ESRRG: variants seen among roughly 807,000 people sequenced by gnomAD.
The protein encoded by ESRRG is estrogen-related receptor gamma.
In ESRRG, 13 loss-of-function variants were observed where a neutral mutation model predicts 44.0. The ratio of observed to expected loss-of-function variants is 0.30; its 90% CI spans 0.19 to 0.47. The LOEUF is 0.47. Among genes scored for constraint, ESRRG ranks in the 20% least tolerant of loss-of-function variants. The pLI, the probability that ESRRG is intolerant of heterozygous loss-of-function variation, is 1.00. For missense variants in ESRRG, 395 were observed against 580.6 expected (o/e 0.68, Z 3.29); for synonymous variants, 215 against 214.6 (o/e 1.00, Z -0.02).
upstream of ESRRG, among the ~76,000 whole-genome samples, chr1:217,094,329 A>AC (rs747551576): frequency 3.1e-4 from 47 of 152,320 alleles, no homozygotes; most frequent in Non-Finnish European, 5.7e-4. Context: ...AATGGATCCA[A>AC]CCTATTTTGC....
intron 2 of ESRRG, among the ~76,000 whole-genome samples, chr1:216,878,554 T>A (rs2096393223): frequency 6.6e-6 from 1 of 152,232 alleles, no homozygotes. Context: ...TTTATCTCTA[T>A]AATACATCTG....
At chr1:216,798,963 A>AG (rs2094544207) in intron 2 of ESRRG, among the ~76,000 whole-genome samples, 1 of 152,188 alleles carries the variant, frequency 6.6e-6, no homozygotes, top group African/African-American at 2.4e-5. Flanking sequence ...ATTTAGACCT[A>AG]AATCAGCTGG....
chr1:216,605,094 C>T (rs373963064), intron 3 of ESRRG, among the ~76,000 whole-genome samples: 6 of 152,048 alleles, frequency 3.9e-5, no homozygotes, highest in South Asian at 2.1e-4. Flanking sequence ...GGCCAGTAAA[C>T]GTAACCAAGA....
At chr1:216,924,173 T>A (rs561047297) in intron 2 of ESRRG, among the ~76,000 whole-genome samples, 48 of 152,150 alleles carry the variant, frequency 3.2e-4, no homozygotes, top group Non-Finnish European at 5.9e-4. Context: ...ACAGCTCTGA[T>A]TGGAAAGCTG....
chr1:216,947,742 T>C (rs1168345363), intron 1 of ESRRG, among the ~76,000 whole-genome samples: 3 of 152,190 alleles, frequency 2.0e-5, no homozygotes, highest in Non-Finnish European at 4.4e-5. Context: ...CCCATCTTTT[T>C]CTCCTCCTTT....
intron 2 of ESRRG, among the ~76,000 whole-genome samples, chr1:216,873,384 G>A (rs1262586057): frequency 6.6e-6 from 1 of 151,808 alleles, no homozygotes. Flanking sequence ...GCTAATTTTT[G>A]TATTTTTAGT....
At chr1:217,018,747 CA>C (rs894840090) in intron 1 of ESRRG, among the ~76,000 whole-genome samples, 1 of 151,678 alleles carries the variant, frequency 6.6e-6, no homozygotes, top group African/African-American at 2.4e-5. Flanking sequence ...TCCATCCTCT[CA>C]AAAAAAAATT....
chr1:216,915,705 G>A (rs1218815595), intron 2 of ESRRG, among the ~76,000 whole-genome samples: 1 of 152,208 alleles, frequency 6.6e-6, no homozygotes, highest in Non-Finnish European at 1.5e-5. Context: ...GTCTCCCGAG[G>A]AAGACTGGAA....
At chr1:216,556,300 A>G (rs1354685059) in intron 5 of ESRRG, among the ~76,000 whole-genome samples, 4 of 152,068 alleles carry the variant, frequency 2.6e-5, no homozygotes, top group African/African-American at 7.2e-5. Flanking sequence ...AAGTTTCAGG[A>G]AATTTCAGGC....
chr1:216,879,484 C>CAA (rs755104959), intron 2 of ESRRG, among the ~76,000 whole-genome samples: 20,664 of 89,010 alleles, frequency 0.23, 1,721 homozygotes, highest in Non-Finnish European at 0.26. Context: ...AAAAGGCCAC[C>CAA]AAAAAAAAAA....
chr1:216,904,701 G>T lies in ESRRG; in HGVS notation c.-14+34881C>A, dbSNP rs531237474. Among the ~76,000 whole-genome samples the T allele has an allele frequency of 1.7e-3, 262 of 152,270 alleles. 3 individuals carry two copies. Among genetic ancestry groups the T allele is most frequent in the African/African-American group, 6.0e-3 (251 of 41,554 alleles). Reference sequence around the variant, plus strand: ...TTCCACCAACAACTCCCCGGCTGTGGCGTGATCATTAGGTGGGTTCAGATT... The same window carrying T: ...TTCCACCAACAACTCCCCGGCTGTGTCGTGATCATTAGGTGGGTTCAGATT... On this transcript the variant is annotated intron_variant, in intron 2 of 7. Coordinates refer to the ESRRG transcript ENST00000359162.
At chr1:217,098,645 G>A (rs1558259215) in intron 1 of ESRRG, among the ~76,000 whole-genome samples, 1 of 152,150 alleles carries the variant, frequency 6.6e-6, no homozygotes, top group Non-Finnish European at 1.5e-5. Flanking sequence ...AAAGGAGGGT[G>A]GAAGGGAGGG....
chr1:216,903,442 TG>T (rs2059326011), intron 2 of ESRRG, among the ~76,000 whole-genome samples: 1 of 151,706 alleles, frequency 6.6e-6, no homozygotes, highest in South Asian at 2.1e-4. Context: ...TGTGTGTGTG[TG>T]TGTGTGTGTG....
At chr1:216,827,028 G>A (rs981781444) in intron 2 of ESRRG, among the ~76,000 whole-genome samples, 1 of 151,920 alleles carries the variant, frequency 6.6e-6, no homozygotes, top group African/African-American at 2.4e-5. Context: ...ATTGCTTCAA[G>A]ACCAAAAGAA....
At chr1:216,682,709 A>AGTGTGTGTGTGTGTGTGTGTGT (rs72420221) in intron 1 of ESRRG, among the ~76,000 whole-genome samples, 11,207 of 144,452 alleles carry the variant, frequency 0.078, 598 homozygotes, top group Non-Finnish European at 0.11. Flanking sequence ...AATACTCTAT[A>AGTGTGTGTGTGTGTGTGTGTGT]GTGTGTGTGT....
At chr1:217,084,958 G>A (rs1016339172) in intron 1 of ESRRG, among the ~76,000 whole-genome samples, 3 of 151,964 alleles carry the variant, frequency 2.0e-5, no homozygotes, top group Non-Finnish European at 4.4e-5. Context: ...ACAACTATAG[G>A]TATTATCAAG....
chr1:216,816,455 T>C (rs1490779247), intron 2 of ESRRG, among the ~76,000 whole-genome samples: 1 of 152,214 alleles, frequency 6.6e-6, no homozygotes, highest in African/African-American at 2.4e-5. Context: ...GATCTTCACA[T>C]TCCATGATGT....
At chr1:216,613,857 T>C (rs1189527979) in intron 3 of ESRRG, among the ~76,000 whole-genome samples, 1 of 152,258 alleles carries the variant, frequency 6.6e-6, no homozygotes, top group Non-Finnish European at 1.5e-5. Flanking sequence ...TCTGGAATAA[T>C]ATCTTATGCA....
intron 5 of ESRRG, among the ~76,000 whole-genome samples, chr1:216,536,844 T>C (rs2051118914): frequency 6.6e-6 from 1 of 151,114 alleles, no homozygotes; most frequent in Admixed American, 6.6e-5. Flanking sequence ...AGGGGTGGGG[T>C]GGAATAAATA....
Sources: allele counts gnomAD v4.1 joint callset (sites outside exome capture counted in the v4.1 genomes callset), GRCh38; gene constraint gnomAD v4.1.1; transcripts MANE v1.5; gene names NCBI Gene and HGNC (gene_info 2026-07-23, HGNC 2026-07-21).